KASH5: variants seen among roughly 807,000 people sequenced by gnomAD.
KASH5 encodes KASH domain containing 5, also known as protein KASH5.
KASH5 carries 72 observed loss-of-function variants against 84.2 expected under a neutral mutation model. The observed-to-expected ratio is 0.85, with a 90% CI of 0.71 to 1.04. The LOEUF (loss-of-function observed/expected upper bound fraction) is 1.04, where lower values mean the gene tolerates loss of function less well. KASH5 is among the 50% of genes least tolerant of loss of function. KASH5 has a pLI of 0.00. For synonymous variants in KASH5, 260 were observed against 279.1 expected, an observed-to-expected ratio of 0.93 and a Z score of 0.68; for missense variants, 650 against 701.0, an observed-to-expected ratio of 0.93 and a Z score of 0.82.
At chr19:49,415,248 T>C in intron 17 of KASH5, 1 of 568,988 alleles carries the variant, frequency 1.8e-6, no homozygotes, top group Non-Finnish European at 3.2e-6. Flanking sequence ...CACACAGGGC[T>C]GCAGCCACCA....
In KASH5 at chr19:49,416,981, C is replaced by T. The variant is rs577395319; in HGVS notation, c.1375-34C>T. On this transcript the variant is annotated intron_variant, in intron 17 of 19. Transcript: ENST00000447857. This position sits in a 1 kb window ranked among gnomAD's most constrained non-coding sequence, Gnocchi z 5.4. Reference sequence around the variant, plus strand: ...CCTGAGCACCTCTCAGTCCAGAACCCGGTGCCTCCAACGCATCTCTTCTGT... The same window carrying T: ...CCTGAGCACCTCTCAGTCCAGAACCTGGTGCCTCCAACGCATCTCTTCTGT... 12 of 1,559,844 alleles carry T rather than the reference C, an allele frequency of 7.7e-6. No homozygotes were observed. Among genetic ancestry groups the T allele is most frequent in the East Asian group, 2.4e-5 (1 of 41,882 alleles).
chr19:49,400,219 G>A (rs1197330483), intron 9 of KASH5, among the ~76,000 whole-genome samples: 3 of 97,880 alleles, frequency 3.1e-5, no homozygotes, highest in Middle Eastern at 0.01. Context: ...CAGAGCGAGA[G>A]CCTCTCAAAA....
Position 49,394,539 on chromosome 19 carries a change from T to A in KASH5, c.107T>A (p.Ile36Lys), listed in dbSNP as rs774477757. 6 of 1,613,430 alleles carry A rather than the reference T, an allele frequency of 3.7e-6. No homozygotes were observed. Among genetic ancestry groups the A allele is most frequent in the Non-Finnish European group, 5.1e-6 (6 of 1,179,836 alleles). ...ATGCCGGTCAGCTTGGAGGAGCAAA[T>A]ACTCAACTCCACGTTCGAAGCTTGT... ...LGMPVSLEEQ[I>K]LNSTFEACDP... Residue 36 changes from isoleucine (I) to lysine (K), a missense_variant, in exon 3 of 20, where the codon ATA becomes AAA. Physicochemically the swap from Ile to Lys is moderately radical, Grantham distance 102. Coordinates refer to ENST00000447857, the MANE Select transcript of KASH5 (RefSeq NM_144688.5).
chr19:49,408,434 C>T (rs2122194862), intron 12 of KASH5: 1 of 153,776 alleles, frequency 6.5e-6, no homozygotes, highest in African/African-American at 2.4e-5. Context: ...TTTTAATTGT[C>T]TTGGCTGTGC....
At chr19:49,407,747 C>T in intron 12 of KASH5, 76 bp downstream of exon 12, 1 of 1,413,430 alleles carries the variant, frequency 7.1e-7, no homozygotes, top group South Asian at 1.2e-5. Flanking sequence ...TGCTGCCTCT[C>T]CTCCTCGTGC....
In KASH5 at chr19:49,392,911, C is replaced by CA. The variant is rs34758110; in HGVS notation, c.44-1551dup. ...TGGGTGACACAGCGAGACTCCATCT[C>CA]AAAAAAAAAAAAAACAGTGAGAGGA... On this transcript the variant is annotated intron_variant, in intron 2 of 19. Coordinates refer to ENST00000447857, the MANE Select transcript of KASH5 (RefSeq NM_144688.5). 3.4e-3 allele frequency among the ~76,000 whole-genome samples: 450 copies of CA among 133,784 alleles called. 1 individual carries two copies. Among genetic ancestry groups the CA allele is most frequent in the Middle Eastern group, 7.4e-3 (2 of 270 alleles). 87.8% of individuals were successfully genotyped at this position (133,784 alleles called of 152,430 possible). A position where few individuals can be genotyped will look rare whatever the true frequency, so the allele number is the denominator to read the frequency against.
In KASH5 at chr19:49,394,582, T is replaced by C. The variant is rs764953339; in HGVS notation, c.148+2T>C. On this transcript the variant is annotated splice_donor_variant, in intron 3 of 19. Transcript: ENST00000447857. LOFTEE classifies it high-confidence loss of function. ...AAGCTTGTGACCCTCAGAGGACAGG[T>C]GGTGGGGGCATGAGGGGTGCTGGGG... The C allele has an allele frequency of 4.3e-6, 7 of 1,610,492 alleles. No homozygotes were observed. In the Admixed American group the frequency reaches 1.0e-4, roughly 23 times the overall value.
intron 9 of KASH5, 83 bp from the exon 10 acceptor site, chr19:49,406,803 A>C (rs936702181): frequency 1.6e-6 from 2 of 1,245,860 alleles, no homozygotes; most frequent in African/African-American, 1.5e-5. Context: ...ATGTATATCA[A>C]TCAAGTGTTT....
intron 9 of KASH5, among the ~76,000 whole-genome samples, chr19:49,405,296 A>C (rs1473995379): frequency 1.3e-5 from 2 of 152,042 alleles, no homozygotes; most frequent in African/African-American, 2.4e-5. Flanking sequence ...GTCTCTACTA[A>C]AAATACAAAA....
At chr19:49,408,105 G>C (rs186578366) in intron 12 of KASH5, among the ~76,000 whole-genome samples, 1 of 151,952 alleles carries the variant, frequency 6.6e-6, no homozygotes, top group Admixed American at 6.6e-5. Context: ...TAGTAGAGAC[G>C]GGGTTTCACC....
At chr19:49,394,690 A>G (rs1974117277) in intron 3 of KASH5, 110 bp downstream of exon 3, 1 of 807,428 alleles carries the variant, frequency 1.2e-6, no homozygotes, top group South Asian at 1.5e-5. Flanking sequence ...TCTTGGGGGT[A>G]TTGTAAGAAC....
intron 9 of KASH5, among the ~76,000 whole-genome samples, chr19:49,403,651 G>A (rs1974436546): frequency 6.6e-6 from 1 of 152,200 alleles, no homozygotes; most frequent in Non-Finnish European, 1.5e-5. Flanking sequence ...TCACTCCCAT[G>A]GCTGGGGCTG....
In KASH5 at chr19:49,417,144, C is replaced by A; in HGVS notation, c.1440-15C>A. The A allele has an allele frequency of 6.2e-7, 1 of 1,612,738 alleles. No homozygotes were observed. ...AGGAAAAACCCAGTGGTGATTCCCT[C>A]CTTCACCCCAGCAGACCTGCGCGGC... is the stretch of plus-strand genomic sequence containing the variant. On this transcript the variant is annotated splice_polypyrimidine_tract_variant and intron_variant, in intron 18 of 19. Coordinates refer to ENST00000447857, the MANE Select transcript of KASH5 (RefSeq NM_144688.5). This position sits in a 1 kb window ranked among gnomAD's most constrained non-coding sequence, Gnocchi z 5.2.
chr19:49,403,376 TAA>T (rs200330227), intron 9 of KASH5, among the ~76,000 whole-genome samples: 2 of 89,804 alleles, frequency 2.2e-5, no homozygotes, highest in South Asian at 4.5e-4. Context: ...TGTCTCAAAA[TAA>T]AAAAAAAGGG....
At chr19:49,392,317 C>T (rs1169121007) in intron 2 of KASH5, among the ~76,000 whole-genome samples, 3 of 147,666 alleles carry the variant, frequency 2.0e-5, no homozygotes, top group South Asian at 4.6e-4. Flanking sequence ...AGAGACAGGA[C>T]GTGGGGAAGA....
Position 49,415,732 on chromosome 19 carries a change from AGCTCACAT to A in KASH5, c.1374+738_1374+745del, listed in dbSNP as rs148891834. On this transcript the variant is annotated intron_variant, in intron 17 of 19. Transcript: ENST00000447857. The stretch of plus-strand genomic sequence containing the variant: ...TGGGGCTCCACCTCAGCTTCCTCAC[AGCTCACAT>A]GGGCATAATCTCTTCCTTGCTCCCA... 1,365 of 153,978 alleles carry A rather than the reference AGCTCACAT, an allele frequency of 8.9e-3. 12 individuals carry two copies. Among genetic ancestry groups the A allele is most frequent in the Non-Finnish European group, 0.012 (857 of 69,272 alleles). 9.5% of individuals were successfully genotyped at this position (153,978 alleles called of 1,614,324 possible).
In KASH5 at chr19:49,409,256, G is replaced by A. The variant is rs1209109472; in HGVS notation, c.1119G>A (p.Leu373=). The A allele has an allele frequency of 1.9e-6, 3 of 1,613,930 alleles. No homozygotes were observed. Among genetic ancestry groups the A allele is most frequent in the Non-Finnish European group, 2.5e-6 (3 of 1,179,856 alleles). Residue 373 remains leucine (L), a synonymous_variant, in exon 14 of 20, where the codon CTG becomes CTA. Coordinates refer to ENST00000447857, the MANE Select transcript of KASH5 (RefSeq NM_144688.5). Reference sequence around the variant, plus strand: ...GGACCGAGCTGCTACCCCCATCGCTGGGCTTGGAGATCGAGGCCATTCGAC... The same window carrying A: ...GGACCGAGCTGCTACCCCCATCGCTAGGCTTGGAGATCGAGGCCATTCGAC... ...VGWTELLPPS[L]GLEIEAIRQK...
In KASH5 at chr19:49,417,440, T is replaced by C; in HGVS notation, c.1619T>C (p.Leu540Pro). 1.3e-6 allele frequency: 2 copies of C among 1,555,948 alleles called. No homozygotes were observed. Residue 540 changes from leucine to proline, a missense_variant, in exon 20 of 20, where the codon CTG becomes CCG. Physicochemically the swap from Leu to Pro is moderately conservative, Grantham distance 98. Transcript: ENST00000447857. The surrounding 1 kb of genome is among the most constrained non-coding windows in gnomAD (Gnocchi z 5.2). ...CTGCTGCTGCTGCTCTCTGTCCTGC[T>C]GCTTGGCCCGTCCCCACCTCCCACC... The part of the protein sequence containing the change: ...LLLLLLLSVL[L>P]LGPSPPPTWP...
At chr19:49,415,021 C>A in intron 17 of KASH5, 25 bp downstream of exon 17, 1 of 1,603,092 alleles carries the variant, frequency 6.2e-7, no homozygotes, top group East Asian at 2.2e-5. Context: ...GCACCCCTCC[C>A]CAGTCCCCAT....
Sources: allele counts gnomAD v4.1 joint callset (sites outside exome capture counted in the v4.1 genomes callset), GRCh38; gene constraint gnomAD v4.1.1; non-coding constraint Gnocchi (gnomAD v3.1); transcripts MANE v1.5; gene names NCBI Gene and HGNC (gene_info 2026-07-23, HGNC 2026-07-21).